TEX9: variants seen among roughly 807,000 people sequenced by gnomAD.
TEX9 encodes testis expressed 9.
A neutral mutation model predicts 59.6 loss-of-function variants in TEX9; 74 were observed. The observed-to-expected ratio is 1.24, with a 90% CI of 1.03 to 1.51. TEX9 has a LOEUF of 1.51. TEX9 is among the 40% of genes most tolerant of loss of function. The pLI, the probability that TEX9 is intolerant of heterozygous loss-of-function variation, is 0.00. For missense variants in TEX9, 522 were observed against 447.8 expected (o/e 1.17, Z -1.49); for synonymous variants, 186 against 152.2 (o/e 1.22, Z -1.64).
chr15:56,280,749 C>A (rs371578058), intron 1 of TEX9, among the ~76,000 whole-genome samples: 1 of 152,220 alleles, frequency 6.6e-6, no homozygotes, highest in Non-Finnish European at 1.5e-5. Context: ...ATGATTCCCA[C>A]ATCTGTCAGT....
At chr15:56,357,649 T>C (rs2046708996) in intron 1 of TEX9, among the ~76,000 whole-genome samples, 1 of 152,178 alleles carries the variant, frequency 6.6e-6, no homozygotes, top group Non-Finnish European at 1.5e-5. Flanking sequence ...AGATATGTTA[T>C]GGTTTACTAA....
At chr15:56,459,877 C>CTACTTGGAA in the TEX9 span, among the ~76,000 whole-genome samples, 4 of 149,292 alleles carry the variant, frequency 2.7e-5, no homozygotes, top group Non-Finnish European at 5.9e-5. Context: ...ATAATCCCAG[C>CTACTTGGAA]TACTTGGAAG....
intron 11 of TEX9, 142 bp from the exon 12 acceptor site, chr15:56,428,225 C>A: frequency 3.5e-6 from 2 of 576,440 alleles, no homozygotes; most frequent in Non-Finnish European, 6.1e-6. Flanking sequence ...AAATATCATG[C>A]TTATTGGAAT....
intron 3 of TEX9, among the ~76,000 whole-genome samples, chr15:56,382,320 A>G (rs1169927413): frequency 2.6e-5 from 4 of 152,182 alleles, no homozygotes; most frequent in Non-Finnish European, 5.9e-5. Context: ...TCCTGGAATC[A>G]GGCACCCCAA....
In TEX9 at chr15:56,247,527, G is replaced by A. The variant is rs78810959; in HGVS notation, c.-107+3249G>A. 4.2e-3 allele frequency among the ~76,000 whole-genome samples: 633 copies of A among 152,256 alleles called. 4 individuals carry two copies. Among genetic ancestry groups the A allele is most frequent in the African/African-American group, 0.014 (584 of 41,542 alleles). Reference sequence around the variant, plus strand: ...AAGGGAGTAACATGAGCACTGGTGTGAAGCCATGAAAGGGTACTGTTTGCT... The same window carrying A: ...AAGGGAGTAACATGAGCACTGGTGTAAAGCCATGAAAGGGTACTGTTTGCT... On this transcript the variant is annotated intron_variant, in intron 1 of 5. Coordinates refer to the TEX9 transcript ENST00000560827.
intron 10 of TEX9, among the ~76,000 whole-genome samples, chr15:56,418,524 G>A (rs1282939121): frequency 4.0e-5 from 6 of 150,748 alleles, no homozygotes; most frequent in African/African-American, 1.2e-4. Flanking sequence ...GGTGGTGGGC[G>A]CCTGTAGTCC....
chr15:56,341,864 G>T (rs1402817877), intron 1 of TEX9, among the ~76,000 whole-genome samples: 7 of 152,002 alleles, frequency 4.6e-5, no homozygotes, highest in Non-Finnish European at 8.8e-5. Flanking sequence ...AGAGTTGATG[G>T]TGGGCAAAAA....
intron 1 of TEX9, among the ~76,000 whole-genome samples, chr15:56,271,692 G>T (rs556213861): frequency 6.6e-6 from 1 of 152,216 alleles, no homozygotes; most frequent in South Asian, 2.1e-4. Flanking sequence ...ATTAGTGTTT[G>T]TATGGCATAT....
At chr15:56,368,985 G>A (rs1449819261) in intron 2 of TEX9, among the ~76,000 whole-genome samples, 3 of 151,976 alleles carry the variant, frequency 2.0e-5, no homozygotes. Flanking sequence ...CTCATTTATT[G>A]TTTTTCTTAT....
intron 1 of TEX9, among the ~76,000 whole-genome samples, chr15:56,253,150 A>C (rs1159802455): frequency 6.6e-6 from 1 of 152,142 alleles, no homozygotes; most frequent in African/African-American, 2.4e-5. Flanking sequence ...GCCACACGGC[A>C]CCTAAGATAG....
intron 1 of TEX9, among the ~76,000 whole-genome samples, chr15:56,349,737 GTA>G (rs548506550): frequency 3.7e-4 from 56 of 149,770 alleles, no homozygotes; most frequent in Non-Finnish European, 7.3e-4. Flanking sequence ...ATACACACGT[GTA>G]TATATGTGTG....
At chr15:56,324,217 T>G (rs2045968177) in intron 1 of TEX9, among the ~76,000 whole-genome samples, 1 of 152,076 alleles carries the variant, frequency 6.6e-6, no homozygotes, top group Non-Finnish European at 1.5e-5. Flanking sequence ...GTTGCCATTC[T>G]GAATGCTTCT....
intron 10 of TEX9, among the ~76,000 whole-genome samples, chr15:56,426,370 G>A (rs1160318839): frequency 6.6e-6 from 1 of 151,762 alleles, no homozygotes; most frequent in East Asian, 1.9e-4. Context: ...ATTTCCTACT[G>A]CTTTGAATAT....
chr15:56,295,844 C>A (rs1236527111), intron 1 of TEX9, among the ~76,000 whole-genome samples: 1 of 152,174 alleles, frequency 6.6e-6, no homozygotes, highest in Non-Finnish European at 1.5e-5. Context: ...AGCACTGGAA[C>A]CAAATCCATG....
intron 1 of TEX9, among the ~76,000 whole-genome samples, chr15:56,245,826 T>C (rs1313298228): frequency 1.3e-5 from 2 of 152,206 alleles, no homozygotes; most frequent in Non-Finnish European, 2.9e-5. Flanking sequence ...CAAGCTATGC[T>C]GAAACTGGAA....
At chr15:56,281,413 A>G (rs1417507141) in intron 1 of TEX9, among the ~76,000 whole-genome samples, 1 of 152,246 alleles carries the variant, frequency 6.6e-6, no homozygotes, top group Non-Finnish European at 1.5e-5. Flanking sequence ...CTGATCAGCC[A>G]TGATATTAGA....
At chr15:56,339,401 A>AAAAAAC (rs2046327460) in intron 1 of TEX9, among the ~76,000 whole-genome samples, 1 of 124,196 alleles carries the variant, frequency 8.1e-6, no homozygotes, top group East Asian at 2.5e-4. Context: ...AAAAAAAAAA[A>AAAAAAC]AAAAAAAAAA....
At chr15:56,360,937 G>A (rs1317209292), upstream of TEX9, among the ~76,000 whole-genome samples, 1 of 152,108 alleles carries the variant, frequency 6.6e-6, no homozygotes, top group East Asian at 1.9e-4. Context: ...TCTAGTCCAG[G>A]TTTTTCTCTT....
chr15:56,458,203 T>C, the TEX9 span, among the ~76,000 whole-genome samples: 1 of 152,204 alleles, frequency 6.6e-6, no homozygotes, highest in Non-Finnish European at 1.5e-5. Flanking sequence ...TAGCATAAAA[T>C]TCACCTTTTA....
Sources: gnomAD v4.1 joint callset for allele counts (sites outside exome capture counted in the v4.1 genomes callset) on GRCh38, gnomAD v4.1.1 for gene constraint, MANE v1.5 for transcripts, NCBI Gene and HGNC (gene_info 2026-07-23, HGNC 2026-07-21) for gene names.